PPP2R1B: variants seen among roughly 807,000 people sequenced by gnomAD.
PPP2R1B encodes serine/threonine-protein phosphatase 2A 65 kDa regulatory subunit A beta isoform.
Under a neutral mutation model 72.7 loss-of-function variants are expected in PPP2R1B, and 58 were observed. The ratio of observed to expected loss-of-function variants is 0.80; its 90% CI spans 0.65 to 0.99. PPP2R1B has a LOEUF of 0.99. PPP2R1B is among the 50% of genes least tolerant of loss of function. The pLI is 0.00. For synonymous variants in PPP2R1B, 256 were observed against 264.6 expected (o/e 0.97, Z 0.32); for missense variants, 695 against 733.6 (o/e 0.95, Z 0.61).
intron 5 of PPP2R1B, among the ~76,000 whole-genome samples, chr11:111,759,357 T>A (rs577043762): frequency 8.5e-5 from 13 of 152,238 alleles, no homozygotes; most frequent in Admixed American, 7.2e-4. Flanking sequence ...ATCTTCAGAA[T>A]TGAATACGAT....
At chr11:111,709,696 G>T in the PPP2R1B span, among the ~76,000 whole-genome samples, 4 of 152,118 alleles carry the variant, frequency 2.6e-5, no homozygotes, top group Non-Finnish European at 4.4e-5. Flanking sequence ...ACCCTCTCTT[G>T]TTCCAAAAAG....
chr11:111,745,442 G>A (rs1271654643), intron 11 of PPP2R1B, among the ~76,000 whole-genome samples: 1 of 152,084 alleles, frequency 6.6e-6, no homozygotes, highest in Non-Finnish European at 1.5e-5. Flanking sequence ...CCAGAGACTG[G>A]GGAACACACA....
chr11:111,713,066 G>A, the PPP2R1B span, among the ~76,000 whole-genome samples: 5 of 152,196 alleles, frequency 3.3e-5, no homozygotes, highest in Non-Finnish European at 7.3e-5. Context: ...TCAGGAGGCT[G>A]AGGCACGAGA....
intron 13 of PPP2R1B, 67 bp downstream of exon 13, chr11:111,742,456 T>G (rs1409143441): frequency 6.6e-7 from 1 of 1,508,976 alleles, no homozygotes; most frequent in Non-Finnish European, 9.0e-7. Flanking sequence ...TTTTAGCTAA[T>G]TACTCCCCAC....
chr11:111,754,276 C>T (rs925175089), intron 8 of PPP2R1B, among the ~76,000 whole-genome samples: 1 of 152,230 alleles, frequency 6.6e-6, no homozygotes, highest in East Asian at 1.9e-4. Context: ...TTTCCTCAGA[C>T]TACTTGTTAG....
rs541354746 is a variant in PPP2R1B at position 111,766,261 on chromosome 11, T to A, written c.101A>T (p.Asn34Ile). The A allele has an allele frequency of 8.7e-6, 14 of 1,613,954 alleles. No individual in the cohort carries two copies. The highest frequency in any genetic ancestry group is 3.3e-4 in the Middle Eastern group (2 of 6,060). The change falls in exon 1 of 15, where the codon AAT becomes ATT. Residue 34 changes from asparagine to isoleucine, a missense_variant. Coordinates refer to ENST00000527614, the MANE Select transcript of PPP2R1B (RefSeq NM_002716.5). ...TCAGTCCAGTACCTGCACGTCTTCA[T>A]TGCGGAGCTCGTCGATTAAAACCGC... ...PIAVLIDELR[N>I]EDVQLRLNSI...
At chr11:111,725,969 A>C (rs1943951843), downstream of PPP2R1B, 1 of 152,220 alleles carries the variant, frequency 6.6e-6, no homozygotes, top group Non-Finnish European at 1.5e-5. Flanking sequence ...GGAAGAATGA[A>C]TTAAGCTTCT....
chr11:111,764,012 A>G (rs1945427530), intron 3 of PPP2R1B, among the ~76,000 whole-genome samples: 1 of 151,694 alleles, frequency 6.6e-6, no homozygotes, highest in South Asian at 2.1e-4. Context: ...TACCTTGTCC[A>G]ACTGTTGAAT....
chr11:111,765,453 G>A, intron 1 of PPP2R1B, 69 bp from the exon 2 acceptor site: 1 of 1,233,014 alleles, frequency 8.1e-7, no homozygotes, highest in Non-Finnish European at 1.2e-6. Flanking sequence ...AAGACAAAAG[G>A]TGCTAACAGG....
At chr11:111,745,673 A>C (rs1236587836) in intron 11 of PPP2R1B, among the ~76,000 whole-genome samples, 1 of 152,108 alleles carries the variant, frequency 6.6e-6, no homozygotes, top group Non-Finnish European at 1.5e-5. Context: ...TCAATAACTG[A>C]TACCTTCTCC....
chr11:111,737,618 C>A, downstream of PPP2R1B: 1 of 1,610,060 alleles, frequency 6.2e-7, no homozygotes, highest in Non-Finnish European at 8.5e-7. Context: ...CAGGGCACAT[C>A]CCTCCCAAGC....
chr11:111,692,097 T>G, the PPP2R1B span, among the ~76,000 whole-genome samples: 2 of 151,766 alleles, frequency 1.3e-5, no homozygotes, highest in East Asian at 3.9e-4. Context: ...ATGCCTGTAA[T>G]CCTAGCACTT....
rs781910441 is a variant in PPP2R1B at position 111,766,346 on chromosome 11, C to T, written c.16G>A (p.Glu6Lys). Residue 6 changes from glutamate (E) to lysine (K), a missense_variant, in exon 1 of 15, where the codon GAG (glutamate) becomes AAG (lysine). Coordinates refer to ENST00000527614, the MANE Select transcript of PPP2R1B (RefSeq NM_002716.5). Reference sequence around the variant, plus strand: ...GCTGCTCCTGGGCCGGTCCCGAGCTCTGATGCGCCCGCCATGTTCTTTCTC... The same window carrying T: ...GCTGCTCCTGGGCCGGTCCCGAGCTTTGATGCGCCCGCCATGTTCTTTCTC... The part of the protein sequence containing the change: MAGAS[E>K]LGTGPGAAGG... The T allele has an allele frequency of 1.3e-6, 2 of 1,533,210 alleles. No individual in the cohort carries two copies. Among genetic ancestry groups the T allele is most frequent in the Admixed American group, 3.7e-5 (2 of 54,416 alleles). The allele number at this position is 1,533,210 out of a possible 1,614,324, so 95.0% of individuals were successfully genotyped here.
chr11:111,730,056 G>C (rs539353843), intron 15 of PPP2R1B: 1 of 152,370 alleles, frequency 6.6e-6, no homozygotes, highest in South Asian at 2.1e-4. Flanking sequence ...AACGAGGGGC[G>C]TAACATTTCC....
exon 16 of PPP2R1B, chr11:111,726,908 A>G: frequency 1.3e-6 from 2 of 1,571,122 alleles, no homozygotes; most frequent in Non-Finnish European, 8.7e-7. Context: ...TCGTTCGGCA[A>G]AAAGTGCAAT....
Position 111,740,442 on chromosome 11 carries a change from A to G in PPP2R1B, c.*1154T>C, listed in dbSNP as rs183737428. 159 of 977,376 alleles carry G rather than the reference A, an allele frequency of 1.6e-4. No homozygotes were observed. The African/African-American group carries it at 2.7e-3, about 17-fold the overall frequency. 60.5% of individuals were successfully genotyped at this position (977,376 alleles called of 1,614,324 possible). ...ACCATGTTGGTCAGGCTGATCTCGA[A>G]TTCTTGACCTCAAATGATCCCAAAT... is the stretch of plus-strand genomic sequence containing the variant. On this transcript the variant is annotated 3_prime_UTR_variant, in exon 15 of 15. Transcript: ENST00000527614.
intron 15 of PPP2R1B, chr11:111,728,550 A>AAGTACTG (rs1185180113): frequency 6.6e-6 from 1 of 152,104 alleles, no homozygotes; most frequent in African/African-American, 2.4e-5. Flanking sequence ...TGGCCTCCCA[A>AAGTACTG]AGTACTGGGA....
At chr11:111,762,247 T>A (rs1260678969) in intron 3 of PPP2R1B, among the ~76,000 whole-genome samples, 1 of 152,112 alleles carries the variant, frequency 6.6e-6, no homozygotes, top group African/African-American at 2.4e-5. Context: ...AGAAAAGAAG[T>A]GTGTCTAATA....
At chr11:111,753,214 G>A (rs1365396604) in intron 9 of PPP2R1B, among the ~76,000 whole-genome samples, 1 of 152,084 alleles carries the variant, frequency 6.6e-6, no homozygotes, top group Non-Finnish European at 1.5e-5. Context: ...CAAAAATCAG[G>A]TAAAGATGAT....
Sources: allele counts gnomAD v4.1 joint callset (sites outside exome capture counted in the v4.1 genomes callset), GRCh38; gene constraint gnomAD v4.1.1; transcripts MANE v1.5; gene names NCBI Gene and HGNC (gene_info 2026-07-23, HGNC 2026-07-21).